The following RFC1 variants were observed in gnomAD, a reference collection of about 807,000 sequenced individuals.
RFC1 encodes the protein A1 140 kDa subunit.
A neutral mutation model predicts 137.4 loss-of-function variants in RFC1; 37 were observed. That is an observed-to-expected ratio of 0.27 (90% CI 0.21 to 0.35). The LOEUF is 0.35. Ranked by LOEUF, RFC1 falls within the 10% of genes least tolerant of loss-of-function variation. RFC1 has a pLI of 1.00. For missense variants in RFC1, 1,205 were observed against 1,358.5 expected (o/e 0.89, Z 1.78); for synonymous variants, 429 against 455.7 (o/e 0.94, Z 0.75).
chr4:39,295,909 G>C, intron 21 of RFC1, 150 bp from the exon 22 acceptor site: 1 of 562,198 alleles, frequency 1.8e-6, no homozygotes. Context: ...CTATAACTCT[G>C]ATCTGCTGGT....
intron 4 of RFC1, among the ~76,000 whole-genome samples, chr4:39,340,369 G>C (rs1740555057): frequency 6.6e-6 from 1 of 152,124 alleles, no homozygotes; most frequent in African/African-American, 2.4e-5. Flanking sequence ...AATCAATACA[G>C]TTTTAGATTA....
chr4:39,305,020 C>G, intron 14 of RFC1, 92 bp from the exon 15 acceptor site: 1 of 770,040 alleles, frequency 1.3e-6, no homozygotes, highest in Non-Finnish European at 2.3e-6. Context: ...AAAGAAGGTA[C>G]AAAATTAATA....
intron 24 of RFC1, chr4:39,289,584 G>A (rs1737555108): frequency 2.7e-6 from 1 of 369,680 alleles, no homozygotes; most frequent in Non-Finnish European, 4.8e-6. Flanking sequence ...CCAATGGCTA[G>A]ATAAATAAAA....
chr4:39,308,563 C>T (rs1203985834), intron 13 of RFC1, 73 bp downstream of exon 13: 2 of 1,519,524 alleles, frequency 1.3e-6, no homozygotes, highest in South Asian at 1.3e-5. Context: ...GTTAGATTTT[C>T]TCATATATGT....
intron 22 of RFC1, among the ~76,000 whole-genome samples, chr4:39,293,507 C>T (rs1480477096): frequency 6.6e-6 from 1 of 152,120 alleles, no homozygotes; most frequent in Non-Finnish European, 1.5e-5. Context: ...GATCACTCTT[C>T]CATTTTTTAA....
Position 39,300,129 on chromosome 4 carries a change from C to T in RFC1, c.2700G>A (p.Met900Ile), listed in dbSNP as rs759394739. 6.2e-7 allele frequency: 1 copy of T among 1,613,596 alleles called. No homozygotes were observed. Among genetic ancestry groups the T allele is most frequent in the Admixed American group, 1.7e-5 (1 of 60,016 alleles). The change falls in exon 21 of 25, where the codon ATG becomes ATA. Residue 900 changes from methionine to isoleucine, a missense_variant. Met to Ile is a conservative substitution (Grantham distance 10, BLOSUM62 1). Transcript: ENST00000349703. ...TGCTTAAAAGCATCAGGTGCTTTTT[C>T]ATGTCACCCCTGCAGGAAAGAACCA... is the stretch of plus-strand genomic sequence containing the variant. The part of the protein sequence containing the change: ...HVKPVAAGGD[M>I]KKHLMLLSRA...
At chr4:39,319,225 C>T (rs1357109009) in intron 9 of RFC1, among the ~76,000 whole-genome samples, 2 of 152,068 alleles carry the variant, frequency 1.3e-5, no homozygotes, top group African/African-American at 4.8e-5. Flanking sequence ...ATTTTACAAA[C>T]AGCACCAAAG....
intron 9 of RFC1, among the ~76,000 whole-genome samples, 153 bp downstream of exon 9, chr4:39,320,230 T>A (rs954685290): frequency 6.6e-6 from 1 of 150,940 alleles, no homozygotes; most frequent in Non-Finnish European, 1.5e-5. Context: ...ATGCCTGTAA[T>A]CCCAGCTACT....
At chr4:39,347,760 C>T (rs1249652483) in intron 2 of RFC1, among the ~76,000 whole-genome samples, 3 of 152,138 alleles carry the variant, frequency 2.0e-5, no homozygotes, top group Admixed American at 2.0e-4. Flanking sequence ...TCAGAGAATA[C>T]ATATATCATC....
At chr4:39,347,542 C>T (rs1740917101) in intron 2 of RFC1, among the ~76,000 whole-genome samples, 1 of 152,150 alleles carries the variant, frequency 6.6e-6, no homozygotes, top group South Asian at 2.1e-4. Context: ...TGGGATACTA[C>T]TATAAAACAA....
intron 19 of RFC1, among the ~76,000 whole-genome samples, chr4:39,302,028 T>G (rs898579618): frequency 3.3e-5 from 5 of 152,250 alleles, no homozygotes; most frequent in African/African-American, 1.2e-4. Flanking sequence ...AGCCATTTTA[T>G]AATTGTTGAA....
In RFC1 at chr4:39,311,486, G is replaced by A. The variant is rs866531767; in HGVS notation, c.1447C>T (p.Pro483Ser). Reference sequence around the variant, plus strand: ...ATTTCATACTTGGATTTCTTGCCTGGCATAGTCCGAATCAGATTCAACAGG... The same window carrying A: ...ATTTCATACTTGGATTTCTTGCCTGACATAGTCCGAATCAGATTCAACAGG... ...DGLLNLIRTM[P>S]GKKSKYEIAV... is the part of the protein sequence containing the mutation. The change falls in exon 12 of 25, where the codon CCA becomes TCA. Residue 483 changes from proline (P) to serine (S), a missense_variant. Physicochemically the swap from Pro to Ser is moderately conservative, Grantham distance 74. Around this residue, in one of 3 missense-constraint regions of RFC1, gnomAD observed 962 missense variants for 1,035.3 expected, o/e 0.93. Transcript: ENST00000349703. 1 of 1,613,704 alleles carries A rather than the reference G, an allele frequency of 6.2e-7. No homozygotes were observed.
At chr4:39,349,042 T>C (rs1381981154) in intron 2 of RFC1, among the ~76,000 whole-genome samples, 2 of 139,854 alleles carry the variant, frequency 1.4e-5, no homozygotes, top group Admixed American at 7.5e-5. Context: ...GCACATTCCT[T>C]ATCTGGTTTC....
chr4:39,356,394 C>T (rs140291689), intron 1 of RFC1, among the ~76,000 whole-genome samples: 2 of 152,244 alleles, frequency 1.3e-5, no homozygotes, highest in South Asian at 2.1e-4. Flanking sequence ...TGCAAAACTC[C>T]GTCTTAAAAA....
intron 2 of RFC1, among the ~76,000 whole-genome samples, chr4:39,348,441 A>AGAGAAGAGAAGAGAAGAGAAGAG (rs1182125572): frequency 8.1e-6 from 1 of 122,746 alleles, no homozygotes; most frequent in Non-Finnish European, 1.9e-5. Flanking sequence ...AAAGAAAAGA[A>AGAGAAGAGAAGAGAAGAGAAGAG]AAGAAAAGAA....
chr4:39,321,331 T>G lies in RFC1; in HGVS notation c.764A>C (p.Gln255Pro). The G allele has an allele frequency of 6.2e-7, 1 of 1,613,896 alleles. No homozygotes were observed. Among genetic ancestry groups the G allele is most frequent in the Non-Finnish European group, 8.5e-7 (1 of 1,179,878 alleles). The change falls in exon 8 of 25, where the codon CAA becomes CCA. Residue 255 changes from glutamine (Q) to proline (P), a missense_variant. Around this residue, in one of 3 missense-constraint regions of RFC1, gnomAD observed 962 missense variants for 1,035.3 expected, o/e 0.93. Transcript: ENST00000349703. ...TEAGETFSSV[Q>P]ANLSKAEKHK... ...TTTTTCTGCTTTACTTAAATTGGCT[T>G]GGACAGATGAAAACGTTTCTCCCGC...
In RFC1 at chr4:39,327,652, CTTCA is replaced by C; in HGVS notation, c.432_435del (p.Asn144LysfsTer14). On this transcript the variant is annotated frameshift_variant, in exon 5 of 25. Transcript: ENST00000349703. LOFTEE classifies it high-confidence loss of function. ...GGCTTATTCTTGGTCTTAGTGTTTT[CTTCA>C]TTCTTTTTCATGTTTGATGTTCCAA... 6.2e-7 allele frequency: 1 copy of C among 1,613,616 alleles called. No homozygotes were observed. The highest frequency in any genetic ancestry group is 8.5e-7 in the Non-Finnish European group (1 of 1,179,784).
chr4:39,327,509 A>C lies in RFC1; in HGVS notation c.564+15T>G. On this transcript the variant is annotated intron_variant, in intron 5 of 24. Coordinates refer to ENST00000349703, the MANE Select transcript of RFC1 (RefSeq NM_002913.5). ...ATAAATCCTGAGCATACTTGCTTAT[A>C]TGTAGAACACTTACCTCTTTTCTTT... 1.3e-6 allele frequency: 2 copies of C among 1,557,854 alleles called. No homozygotes were observed. Among genetic ancestry groups the C allele is most frequent in the East Asian group, 2.2e-5 (1 of 44,520 alleles).
chr4:39,331,623 C>A (rs1000491127), intron 4 of RFC1, among the ~76,000 whole-genome samples: 5 of 152,056 alleles, frequency 3.3e-5, no homozygotes, highest in African/African-American at 1.2e-4. Context: ...AACCATGTAA[C>A]AAAATCTCTA....
Sources: gnomAD v4.1 joint callset for allele counts (sites outside exome capture counted in the v4.1 genomes callset) on GRCh38, gnomAD v4.1.1 for gene constraint, gnomAD v4.1.1 regional missense constraint, MANE v1.5 for transcripts, NCBI Gene and HGNC (gene_info 2026-07-23, HGNC 2026-07-21) for gene names.